Variants in UBE2U observed in about 807,000 individuals in gnomAD.
UBE2U encodes the protein ubiquitin-conjugating enzyme E2 U.
A neutral mutation model predicts 41.2 loss-of-function variants in UBE2U; 39 were observed. The ratio of observed to expected loss-of-function variants is 0.95; its 90% CI spans 0.73 to 1.24. UBE2U has a LOEUF of 1.24. Ranked by LOEUF, UBE2U falls within the 50% of genes most tolerant of loss-of-function variation. The pLI is 0.00. For synonymous variants in UBE2U, 107 were observed against 117.8 expected (o/e 0.91, Z 0.60); for missense variants, 336 against 363.1 (o/e 0.93, Z 0.61).
intron 5 of UBE2U, among the ~76,000 whole-genome samples, chr1:64,219,379 T>A (rs772434823): frequency 2.0e-5 from 3 of 152,214 alleles, no homozygotes; most frequent in Admixed American, 2.0e-4. Flanking sequence ...AAATTTTTGA[T>A]AATATTTCTT....
chr1:64,209,477 G>A (rs1211509061), intron 3 of UBE2U, among the ~76,000 whole-genome samples: 1 of 152,136 alleles, frequency 6.6e-6, no homozygotes, highest in African/African-American at 2.4e-5. Context: ...ACTTAGGCAG[G>A]CCTTCGGTTT....
intron 9 of UBE2U, among the ~76,000 whole-genome samples, chr1:64,266,823 A>G (rs1170472399): frequency 6.6e-6 from 1 of 152,238 alleles, no homozygotes; most frequent in Admixed American, 6.5e-5. Context: ...CAAAGCATCA[A>G]AAGATTGAGC....
chr1:64,239,133 A>AAGGAGAAGG (rs1557730362), intron 7 of UBE2U, among the ~76,000 whole-genome samples: 3 of 25,030 alleles, frequency 1.2e-4, no homozygotes, highest in African/African-American at 5.8e-4. Context: ...GAAGAAGAAG[A>AAGGAGAAGG]AGAAGAAGAA....
Position 64,205,785 on chromosome 1 carries a change from T to G in UBE2U, c.148+65T>G, listed in dbSNP as rs886337270. On this transcript the variant is annotated intron_variant, in intron 2 of 9. Coordinates refer to ENST00000371077, the MANE Select transcript of UBE2U (RefSeq NM_001366232.2). ...TTTATACCATTATTAGCCCATCCTC[T>G]TTTTATGTAGGATAAGGTCGCATTA... is the stretch of plus-strand genomic sequence containing the variant. 6.0e-6 allele frequency: 8 copies of G among 1,327,238 alleles called. No homozygotes were observed. In the African/African-American group the frequency reaches 1.2e-4, roughly 20 times the overall value. 82.2% of individuals were successfully genotyped at this position (1,327,238 alleles called of 1,614,324 possible).
intron 8 of UBE2U, among the ~76,000 whole-genome samples, chr1:64,249,857 T>C (rs984369778): frequency 1.3e-5 from 2 of 152,002 alleles, no homozygotes. Context: ...AAGAAATAAT[T>C]ATGACTGAAA....
At chr1:64,250,885 G>A (rs976080213) in intron 8 of UBE2U, among the ~76,000 whole-genome samples, 2 of 146,262 alleles carry the variant, frequency 1.4e-5, no homozygotes, top group Non-Finnish European at 3.0e-5. Flanking sequence ...GACACAGGAA[G>A]GGGAACATCA....
At chr1:64,244,271 T>G (rs1194893580) in intron 8 of UBE2U, 13 of 1,279,516 alleles carry the variant, frequency 1.0e-5, no homozygotes, top group Non-Finnish European at 1.3e-5. Flanking sequence ...TGCAAAGTTG[T>G]TTTGCATTTG....
chr1:64,238,021 C>T (rs1644701902), intron 7 of UBE2U, among the ~76,000 whole-genome samples: 1 of 152,186 alleles, frequency 6.6e-6, no homozygotes, highest in South Asian at 2.1e-4. Context: ...AATGAGAAGA[C>T]ATTACTCAAC....
chr1:64,233,224 G>A (rs937706091), intron 7 of UBE2U, among the ~76,000 whole-genome samples: 2 of 151,880 alleles, frequency 1.3e-5, no homozygotes, highest in Non-Finnish European at 2.9e-5. Flanking sequence ...AGCCAGGATG[G>A]TCTTGATCTC....
At chr1:64,215,031 G>A (rs566093111) in intron 5 of UBE2U, 99 bp downstream of exon 5, 307 of 829,602 alleles carry the variant, frequency 3.7e-4, no homozygotes, top group Non-Finnish European at 2.8e-4. Flanking sequence ...TCCGGAGTTC[G>A]AGACCAGCCT....
At chr1:64,246,474 A>AT (rs1557738960) in intron 8 of UBE2U, among the ~76,000 whole-genome samples, 2 of 152,154 alleles carry the variant, frequency 1.3e-5, no homozygotes, top group African/African-American at 2.4e-5. Flanking sequence ...TATTTAATGC[A>AT]TTTTTTAAGG....
In UBE2U at chr1:64,241,751, C is replaced by A; in HGVS notation, c.677+18C>A. 1.3e-6 allele frequency: 2 copies of A among 1,569,850 alleles called. No individual in the cohort carries two copies. The highest frequency in any genetic ancestry group is 8.7e-7 in the Non-Finnish European group (1 of 1,148,142). On this transcript the variant is annotated intron_variant, in intron 8 of 9. Transcript: ENST00000371077. ...AATTTAAAGTAAGAAATATGAAGTG[C>A]CTTGAATGTGTACATTAACTTGAAT... is the stretch of plus-strand genomic sequence containing the variant.
intron 8 of UBE2U, among the ~76,000 whole-genome samples, chr1:64,257,648 A>T (rs1352368733): frequency 6.6e-6 from 1 of 151,562 alleles, no homozygotes; most frequent in Non-Finnish European, 1.5e-5. Flanking sequence ...AGCATCAGGA[A>T]GAATAGCTAA....
intron 7 of UBE2U, among the ~76,000 whole-genome samples, chr1:64,240,016 T>G (rs1459570507): frequency 6.6e-6 from 1 of 152,186 alleles, no homozygotes; most frequent in East Asian, 1.9e-4. Flanking sequence ...TTTCTCCACA[T>G]CCTCTCCAGC....
intron 2 of UBE2U, among the ~76,000 whole-genome samples, chr1:64,206,472 T>A (rs1651303022): frequency 6.6e-6 from 1 of 151,010 alleles, no homozygotes; most frequent in Non-Finnish European, 1.5e-5. Context: ...GTAGCAGATT[T>A]TGGGAACATG....
chr1:64,239,116 A>AGAGGAAGAGGAAGAGGAAGAGGAAGAG lies in UBE2U; in HGVS notation c.596-2534_596-2533insGGAAGAGGAAGAGGAAGAGGAAGAGGA, dbSNP rs1557729976. Among the ~76,000 whole-genome samples the AGAGGAAGAGGAAGAGGAAGAGGAAGAG allele has an allele frequency of 2.0e-4, 7 of 35,246 alleles. No homozygotes were observed. In the East Asian group the frequency reaches 5.8e-3, roughly 29 times the overall value. 23.1% of individuals were successfully genotyped at this position (35,246 alleles called of 152,430 possible). On this transcript the variant is annotated intron_variant, in intron 7 of 9. Coordinates refer to ENST00000371077, the MANE Select transcript of UBE2U (RefSeq NM_001366232.2). ...AGGAAGAAGAAGAAGAAGAAGAAGAAGAAGAAGAAGAAGAAGAAGAAGAAG... is the reference window on the plus strand; with the variant it reads ...AGGAAGAAGAAGAAGAAGAAGAAGAAGAGGAAGAGGAAGAGGAAGAGGAAGAGGAAGAAGAAGAAGAAGAAGAAGAAG...
rs200173656 is a variant in UBE2U at position 64,253,298 on chromosome 1, CTG to C, written c.678-7304_678-7303del. Among the ~76,000 whole-genome samples, 1,022 of 152,190 alleles carry C rather than the reference CTG, an allele frequency of 6.7e-3. 1 individual carries two copies. Among genetic ancestry groups the C allele is most frequent in the Middle Eastern group, 0.01 (3 of 294 alleles). On this transcript the variant is annotated intron_variant, in intron 8 of 9. Coordinates refer to ENST00000371077, the MANE Select transcript of UBE2U (RefSeq NM_001366232.2). Reference sequence around the variant, plus strand: ...CCAAACCTACAACTGATTGGGGTAACTGAAAGAGATGAGGAGAATGGAAGCAA... The same window carrying C: ...CCAAACCTACAACTGATTGGGGTAACAAAGAGATGAGGAGAATGGAAGCAA...
At chr1:64,241,532 T>C (rs1644834680) in intron 7 of UBE2U, 120 bp from the exon 8 acceptor site, 2 of 672,874 alleles carry the variant, frequency 3.0e-6, no homozygotes, top group East Asian at 5.7e-5. Context: ...ACTTGAATTA[T>C]ATAGTGCATG....
intron 8 of UBE2U, among the ~76,000 whole-genome samples, chr1:64,252,013 A>G (rs933203821): frequency 1.3e-5 from 2 of 152,164 alleles, no homozygotes; most frequent in African/African-American, 4.8e-5. Flanking sequence ...TTCCTGGGGG[A>G]AAATGTGGTC....
Sources: allele counts gnomAD v4.1 joint callset (sites outside exome capture counted in the v4.1 genomes callset), GRCh38; gene constraint gnomAD v4.1.1; transcripts MANE v1.5; gene names NCBI Gene and HGNC (gene_info 2026-07-23, HGNC 2026-07-21).